Variants in SNTG1 observed in about 807,000 individuals in gnomAD.
SNTG1 encodes gamma-1-syntrophin.
A neutral mutation model predicts 74.7 loss-of-function variants in SNTG1; 39 were observed. The ratio of observed to expected loss-of-function variants is 0.52; its 90% CI spans 0.40 to 0.68. SNTG1 has a LOEUF of 0.68. Ranked by LOEUF, SNTG1 falls within the 30% of genes least tolerant of loss-of-function variation. SNTG1 has a pLI of 0.00. For synonymous variants in SNTG1, 254 were observed against 217.1 expected, an observed-to-expected ratio of 1.17 and a Z score of -1.49; for missense variants, 685 against 609.5, an observed-to-expected ratio of 1.12 and a Z score of -1.30.
At chr8:50,224,697 C>A (rs1044598916) in intron 2 of SNTG1, among the ~76,000 whole-genome samples, 2 of 152,082 alleles carry the variant, frequency 1.3e-5, no homozygotes, top group Non-Finnish European at 2.9e-5. Flanking sequence ...GTTGAACATG[C>A]CTTGTTATAC....
intron 12 of SNTG1, among the ~76,000 whole-genome samples, chr8:50,577,854 G>A (rs1563601560): frequency 6.6e-6 from 1 of 152,132 alleles, no homozygotes; most frequent in Non-Finnish European, 1.5e-5. Flanking sequence ...CAAAGAAAGA[G>A]GTTAAATCAG....
At chr8:50,043,927 C>A (rs926309181) in intron 1 of SNTG1, among the ~76,000 whole-genome samples, 4 of 152,094 alleles carry the variant, frequency 2.6e-5, no homozygotes, top group Non-Finnish European at 5.9e-5. Flanking sequence ...ATTTAAGAAC[C>A]AACAGAAAAT....
chr8:50,073,370 A>ATCT (rs1422286865), intron 1 of SNTG1, among the ~76,000 whole-genome samples: 1 of 152,154 alleles, frequency 6.6e-6, no homozygotes, highest in African/African-American at 2.4e-5. Flanking sequence ...CAATTCATAC[A>ATCT]TCTTCATGCT....
At chr8:50,280,177 A>G (rs1269138978) in intron 2 of SNTG1, among the ~76,000 whole-genome samples, 1 of 152,190 alleles carries the variant, frequency 6.6e-6, no homozygotes. Context: ...CCATTTGAAA[A>G]TTCTGCCAGA....
intron 17 of SNTG1, among the ~76,000 whole-genome samples, chr8:50,733,867 T>C (rs1429992788): frequency 1.3e-5 from 2 of 151,826 alleles, no homozygotes; most frequent in African/African-American, 4.8e-5. Context: ...TTTCTTTTAA[T>C]ATTGGTTAAT....
intron 5 of SNTG1, among the ~76,000 whole-genome samples, chr8:50,439,294 C>T (rs965436015): frequency 6.6e-6 from 1 of 152,102 alleles, no homozygotes; most frequent in Non-Finnish European, 1.5e-5. Flanking sequence ...GTCAAACCTA[C>T]ATCTCTTCAT....
intron 12 of SNTG1, among the ~76,000 whole-genome samples, chr8:50,574,293 T>G (rs2094564957): frequency 1.3e-5 from 2 of 152,174 alleles, no homozygotes; most frequent in South Asian, 4.1e-4. Flanking sequence ...TTAAAAATAC[T>G]ATTCAAACTC....
At chr8:50,015,800 T>G (rs934110837) in intron 1 of SNTG1, among the ~76,000 whole-genome samples, 4 of 152,132 alleles carry the variant, frequency 2.6e-5, no homozygotes, top group African/African-American at 7.2e-5. Flanking sequence ...GCTTTGGAAT[T>G]TGATGAACTC....
At chr8:50,623,355 A>T (rs1380374842) in intron 13 of SNTG1, among the ~76,000 whole-genome samples, 1 of 152,018 alleles carries the variant, frequency 6.6e-6, no homozygotes, top group Non-Finnish European at 1.5e-5. Flanking sequence ...TTTGGCTTCT[A>T]TGTCCAGTTT....
At chr8:49,912,674 A>T (rs1294228275) in intron 1 of SNTG1, among the ~76,000 whole-genome samples, 2 of 152,212 alleles carry the variant, frequency 1.3e-5, no homozygotes, top group Non-Finnish European at 1.5e-5. Flanking sequence ...TAAACTATGC[A>T]TGGGAACAAA....
intron 15 of SNTG1, among the ~76,000 whole-genome samples, chr8:50,689,306 A>G (rs2095367068): frequency 1.3e-5 from 2 of 152,132 alleles, no homozygotes; most frequent in African/African-American, 4.8e-5. Context: ...GAGTGGTGAG[A>G]GAGTGCATCC....
At chr8:50,093,855 G>A (rs1440842823) in intron 1 of SNTG1, among the ~76,000 whole-genome samples, 2 of 152,152 alleles carry the variant, frequency 1.3e-5, no homozygotes, top group African/African-American at 4.8e-5. Context: ...TGAATACAGT[G>A]TTGTGAGGTT....
At chr8:50,306,245 A>C (rs2130713306) in intron 2 of SNTG1, among the ~76,000 whole-genome samples, 1 of 152,162 alleles carries the variant, frequency 6.6e-6, no homozygotes, top group Non-Finnish European at 1.5e-5. Context: ...TTTATTACTG[A>C]GTAGTATTCT....
chr8:50,785,247 CAAATTT>C (rs1469489006), intron 18 of SNTG1, among the ~76,000 whole-genome samples: 1 of 151,378 alleles, frequency 6.6e-6, no homozygotes, highest in Non-Finnish European at 1.5e-5. Flanking sequence ...TAGAAAATCT[CAAATTT>C]AGTTTTTTAA....
intron 15 of SNTG1, among the ~76,000 whole-genome samples, chr8:50,699,483 C>T (rs1400610535): frequency 2.0e-5 from 3 of 151,366 alleles, no homozygotes; most frequent in Non-Finnish European, 4.4e-5. Flanking sequence ...GATGAAGTAC[C>T]CTGGAAAAGC....
chr8:49,972,712 A>G (rs142390221), intron 1 of SNTG1, among the ~76,000 whole-genome samples: 3,471 of 152,270 alleles, frequency 0.023, 127 homozygotes, highest in African/African-American at 0.077. Flanking sequence ...AAGGGTATGA[A>G]CAGACACTTC....
At chr8:50,680,572 G>A (rs1000810227) in intron 15 of SNTG1, among the ~76,000 whole-genome samples, 1 of 152,112 alleles carries the variant, frequency 6.6e-6, no homozygotes, top group Non-Finnish European at 1.5e-5. Context: ...ACATTGAAAT[G>A]TATGAGAGCA....
intron 1 of SNTG1, among the ~76,000 whole-genome samples, chr8:49,946,842 A>G (rs1299318960): frequency 6.6e-6 from 1 of 152,240 alleles, no homozygotes; most frequent in Non-Finnish European, 1.5e-5. Context: ...AGTTGGATTC[A>G]AATTCCACTT....
chr8:49,992,756 G>C (rs945810804), intron 1 of SNTG1, among the ~76,000 whole-genome samples: 11 of 152,126 alleles, frequency 7.2e-5, no homozygotes, highest in African/African-American at 2.7e-4. Context: ...ATTTAGTAAT[G>C]GACCTCTTGA....
Sources: gnomAD v4.1 joint callset for allele counts (sites outside exome capture counted in the v4.1 genomes callset) on GRCh38, gnomAD v4.1.1 for gene constraint, MANE v1.5 for transcripts, NCBI Gene and HGNC (gene_info 2026-07-23, HGNC 2026-07-21) for gene names.